ARMH1: variants seen among roughly 807,000 people sequenced by gnomAD.
ARMH1 encodes the protein armadillo-like helical domain containing protein 1.
Under a neutral mutation model 50.2 loss-of-function variants are expected in ARMH1, and 34 were observed. The ratio of observed to expected loss-of-function variants is 0.68; its 90% CI spans 0.51 to 0.90. The LOEUF is 0.90. Ranked by LOEUF, ARMH1 falls within the 40% of genes least tolerant of loss-of-function variation. The pLI, the probability that ARMH1 is intolerant of heterozygous loss-of-function variation, is 0.00. For synonymous variants in ARMH1, 221 were observed against 224.2 expected (o/e 0.99, Z 0.13); for missense variants, 538 against 553.9 (o/e 0.97, Z 0.29).
chr1:44,724,471 G>T lies in ARMH1; in HGVS notation c.921-68G>T. 6.6e-7 allele frequency: 1 copy of T among 1,517,406 alleles called. No individual in the cohort carries two copies. 94.0% of individuals were successfully genotyped at this position (1,517,406 alleles called of 1,614,324 possible). ...GGCGGGCCCCGGGAGCGCTCCGTGC[G>T]CCGGGTGGGCGGGGGTGTGCGCCGG... On this transcript the variant is annotated intron_variant, in intron 8 of 11. Coordinates refer to ENST00000535358, the MANE Select transcript of ARMH1 (RefSeq NM_001145636.2). The surrounding 1 kb of genome is among the most constrained non-coding windows in gnomAD (Gnocchi z 6.4).
At chr1:44,723,093 G>A (rs954307968) in intron 6 of ARMH1, among the ~76,000 whole-genome samples, 3 of 149,464 alleles carry the variant, frequency 2.0e-5, no homozygotes, top group Non-Finnish European at 3.0e-5. Context: ...AAAAAAGGTA[G>A]CATTTATGCT....
intron 4 of ARMH1, among the ~76,000 whole-genome samples, chr1:44,699,156 C>G (rs1332401392): frequency 6.6e-6 from 1 of 151,774 alleles, no homozygotes; most frequent in African/African-American, 2.4e-5. Flanking sequence ...TGGTGGCACG[C>G]ACCTGTAATG....
At chr1:44,704,893 G>T (rs892333367) in intron 6 of ARMH1, among the ~76,000 whole-genome samples, 1 of 147,898 alleles carries the variant, frequency 6.8e-6, no homozygotes, top group Non-Finnish European at 1.5e-5. Context: ...GGAGTGCAGT[G>T]GCGCAATCTC....
intron 6 of ARMH1, among the ~76,000 whole-genome samples, chr1:44,712,740 T>A (rs58136390): frequency 6.7e-6 from 1 of 148,852 alleles, no homozygotes; most frequent in Admixed American, 6.7e-5. Context: ...CTTGGCTCAC[T>A]GGAACCTCTG....
intron 6 of ARMH1, among the ~76,000 whole-genome samples, chr1:44,716,914 G>A (rs1646876767): frequency 6.7e-6 from 1 of 150,278 alleles, no homozygotes; most frequent in Admixed American, 6.7e-5. Context: ...GCAGTGGCGC[G>A]ATCTCGGCTC....
chr1:44,720,594 G>A (rs1039470098), intron 6 of ARMH1, among the ~76,000 whole-genome samples: 7 of 152,208 alleles, frequency 4.6e-5, no homozygotes, highest in African/African-American at 1.7e-4. Context: ...TCTATAGCAA[G>A]AATTCTATAC....
intron 2 of ARMH1, among the ~76,000 whole-genome samples, chr1:44,696,445 T>A (rs1051219025): frequency 3.3e-5 from 5 of 152,264 alleles, no homozygotes; most frequent in Non-Finnish European, 5.9e-5. Context: ...GACTGGTTCC[T>A]TTTCTGTTGT....
intron 3 of ARMH1, among the ~76,000 whole-genome samples, chr1:44,697,730 T>G (rs766131018): frequency 5.9e-5 from 9 of 152,144 alleles, no homozygotes; most frequent in Non-Finnish European, 1.2e-4. Flanking sequence ...ACTTCTGCAG[T>G]CAGAAGGGTG....
chr1:44,680,284 C>T (rs1468717535), intron 1 of ARMH1, among the ~76,000 whole-genome samples: 1 of 152,246 alleles, frequency 6.6e-6, no homozygotes, highest in African/African-American at 2.4e-5. Context: ...TCAAGTGATT[C>T]TCCCGCCTCA....
At chr1:44,680,417 C>T (rs1645270017) in intron 1 of ARMH1, among the ~76,000 whole-genome samples, 1 of 152,210 alleles carries the variant, frequency 6.6e-6, no homozygotes, top group Non-Finnish European at 1.5e-5. Context: ...CCTCATGATC[C>T]ACCGCTTCAG....
intron 1 of ARMH1, among the ~76,000 whole-genome samples, chr1:44,678,630 C>T (rs72671984): frequency 0.041 from 6,261 of 152,094 alleles, 287 homozygotes; most frequent in African/African-American, 0.088. Context: ...GAGTCAGGGA[C>T]GGGAGCCCAA....
intron 1 of ARMH1, among the ~76,000 whole-genome samples, chr1:44,678,205 A>G (rs912176150): frequency 6.6e-6 from 1 of 152,128 alleles, no homozygotes; most frequent in African/African-American, 2.4e-5. Flanking sequence ...CGCCAGTTAC[A>G]TGTTGTGGAG....
In ARMH1 at chr1:44,722,903, C is replaced by CAAA. The variant is rs71036693; in HGVS notation, c.725-1200_725-1198dup. Among the ~76,000 whole-genome samples the CAAA allele has an allele frequency of 9.5e-4, 82 of 85,952 alleles. 1 individual carries two copies. The highest frequency in any genetic ancestry group is 6.8e-3 in the Middle Eastern group (1 of 146). 56.4% of individuals were successfully genotyped at this position (85,952 alleles called of 152,430 possible). On this transcript the variant is annotated intron_variant, in intron 6 of 11. Coordinates refer to ENST00000535358, the MANE Select transcript of ARMH1 (RefSeq NM_001145636.2). Reference sequence around the variant, plus strand: ...TGAAACCCCATCTCTACTAAAAATACAAAAAAAAAAAAAAAAAAAAATTAG... The same window carrying CAAA: ...TGAAACCCCATCTCTACTAAAAATACAAAAAAAAAAAAAAAAAAAAAAAATTAG...
At chr1:44,715,943 G>T (rs1232679115) in intron 6 of ARMH1, among the ~76,000 whole-genome samples, 1 of 152,236 alleles carries the variant, frequency 6.6e-6, no homozygotes, top group Non-Finnish European at 1.5e-5. Flanking sequence ...TCAAATGCAT[G>T]AGCATGGGCC....
intron 1 of ARMH1, among the ~76,000 whole-genome samples, chr1:44,687,654 A>G (rs1557519047): frequency 6.6e-6 from 1 of 152,130 alleles, no homozygotes; most frequent in Non-Finnish European, 1.5e-5. Flanking sequence ...CTCCCCCAAG[A>G]GTAGGAACTC....
At chr1:44,706,796 C>A (rs1474122659) in intron 6 of ARMH1, among the ~76,000 whole-genome samples, 1 of 152,012 alleles carries the variant, frequency 6.6e-6, no homozygotes, top group African/African-American at 2.4e-5. Context: ...GGTACAGGGA[C>A]CTAAGTAATA....
At chr1:44,720,470 A>G (rs1253190190) in intron 6 of ARMH1, among the ~76,000 whole-genome samples, 3 of 152,198 alleles carry the variant, frequency 2.0e-5, no homozygotes, top group Non-Finnish European at 2.9e-5. Flanking sequence ...TGGAGCATGC[A>G]TTGTGTACAT....
rs571603151 is a variant in ARMH1 at position 44,704,004 on chromosome 1, G to C, written c.640-85G>C. The C allele has an allele frequency of 2.8e-5, 30 of 1,089,210 alleles. No homozygotes were observed. In the South Asian group the frequency reaches 3.7e-4, roughly 13 times the overall value. The allele number at this position is 1,089,210 out of a possible 1,614,324, so 67.5% of individuals were successfully genotyped here. The stretch of plus-strand genomic sequence containing the variant: ...GCCTCCTAAAGTGCTGGGATTACAG[G>C]CGTGAGCCACCGCACCCGGCCGGGA... On this transcript the variant is annotated intron_variant, in intron 5 of 11. Transcript: ENST00000535358.
At chr1:44,678,042 T>C (rs1645192495) in intron 1 of ARMH1, among the ~76,000 whole-genome samples, 1 of 151,936 alleles carries the variant, frequency 6.6e-6, no homozygotes, top group African/African-American at 2.4e-5. Flanking sequence ...GGCAGGTGAC[T>C]GGAGAGGCTG....
Sources: allele counts gnomAD v4.1 joint callset (sites outside exome capture counted in the v4.1 genomes callset), GRCh38; gene constraint gnomAD v4.1.1; non-coding constraint Gnocchi (gnomAD v3.1); transcripts MANE v1.5; gene names NCBI Gene and HGNC (gene_info 2026-07-23, HGNC 2026-07-21).